Variants in SNX29 observed in about 807,000 individuals in gnomAD.
The protein encoded by SNX29 is sorting nexin 29.
SNX29 carries 78 observed loss-of-function variants against 102.1 expected under a neutral mutation model. The observed-to-expected ratio is 0.76, with a 90% CI of 0.64 to 0.92. The LOEUF (loss-of-function observed/expected upper bound fraction) is 0.92. Among genes scored for constraint, SNX29 ranks in the 40% least tolerant of loss-of-function variants. The pLI is 0.00. For missense variants in SNX29, 1,280 were observed against 1,061.7 expected (o/e 1.21, Z -2.86); for synonymous variants, 580 against 414.5 (o/e 1.40, Z -4.85).
chr16:12,473,560 A>G (rs1382551275), intron 18 of SNX29, among the ~76,000 whole-genome samples: 1 of 152,036 alleles, frequency 6.6e-6, no homozygotes, highest in Non-Finnish European at 1.5e-5. Context: ...AACCAGAGCA[A>G]CTCCATCTTG....
chr16:12,105,809 A>C (rs2053211870), intron 11 of SNX29, among the ~76,000 whole-genome samples: 1 of 152,186 alleles, frequency 6.6e-6, no homozygotes. Context: ...TGGAGAGATT[A>C]GCTTGGAAAG....
intron 1 of SNX29, among the ~76,000 whole-genome samples, chr16:11,980,405 G>C (rs2055388512): frequency 6.6e-6 from 1 of 152,102 alleles, no homozygotes; most frequent in African/African-American, 2.4e-5. Flanking sequence ...GTTTATTCAT[G>C]CATCAAAAAT....
At chr16:12,221,653 C>T (rs190523240) in intron 14 of SNX29, among the ~76,000 whole-genome samples, 9 of 152,272 alleles carry the variant, frequency 5.9e-5, no homozygotes, top group Admixed American at 3.9e-4. Context: ...ATGGGCTATT[C>T]ATGGCTTATA....
At chr16:12,441,065 G>A (rs543510336) in intron 18 of SNX29, among the ~76,000 whole-genome samples, 90 of 149,014 alleles carry the variant, frequency 6.0e-4, no homozygotes, top group South Asian at 3.6e-3. Flanking sequence ...CATCTGTGTT[G>A]TAGCATGCAT....
At chr16:12,055,390 C>T (rs1418732457) in intron 8 of SNX29, among the ~76,000 whole-genome samples, 5 of 152,046 alleles carry the variant, frequency 3.3e-5, no homozygotes, top group African/African-American at 9.6e-5. Context: ...CCTACCACAC[C>T]CCGCTAACTT....
chr16:12,234,774 G>A (rs181747586), intron 14 of SNX29, among the ~76,000 whole-genome samples: 6 of 152,248 alleles, frequency 3.9e-5, no homozygotes, highest in African/African-American at 1.4e-4. Flanking sequence ...TGCATTGTGT[G>A]TTTCCCCACC....
At chr16:11,983,288 G>A (rs933245908) in intron 1 of SNX29, among the ~76,000 whole-genome samples, 1 of 145,230 alleles carries the variant, frequency 6.9e-6, no homozygotes, top group Admixed American at 7.1e-5. Flanking sequence ...CGTTACCCAG[G>A]TTTATCTGGT....
rs557194114 is a variant in SNX29 at position 12,552,597 on chromosome 16, C to T, written c.2319-15909C>T. Reference sequence around the variant, plus strand: ...GCTGCCCTCATGGAGTTTATATTCTCATGGGGATGACTAAAAAAGCAAAAA... The same window carrying T: ...GCTGCCCTCATGGAGTTTATATTCTTATGGGGATGACTAAAAAAGCAAAAA... On this transcript the variant is annotated intron_variant, in intron 20 of 20. Transcript: ENST00000566228. Among the ~76,000 whole-genome samples the T allele has an allele frequency of 3.3e-5, 5 of 152,246 alleles. No individual in the cohort carries two copies. The South Asian group carries it at 1.0e-3, about 32-fold the overall frequency.
At position 12,462,592 on chromosome 16, in the gene SNX29, A is replaced by T. The variant is rs576619401; in HGVS notation, c.2038-15127A>T. On this transcript the variant is annotated intron_variant, in intron 18 of 20. Coordinates refer to ENST00000566228, the MANE Select transcript of SNX29 (RefSeq NM_032167.5). ...CAGTCTTATTTCTGGGGATTTCATT[A>T]TACACACACACACACACACGTGACT... Among the ~76,000 whole-genome samples the T allele has an allele frequency of 3.7e-5, 5 of 133,372 alleles. No homozygotes were observed. The South Asian group carries it at 1.3e-3, about 33-fold the overall frequency. 87.5% of individuals were successfully genotyped at this position (133,372 alleles called of 152,430 possible).
At chr16:12,107,550 T>G (rs1165467083) in intron 11 of SNX29, among the ~76,000 whole-genome samples, 1 of 151,842 alleles carries the variant, frequency 6.6e-6, no homozygotes, top group East Asian at 1.9e-4. Context: ...GGCAGGAGAA[T>G]CTCTTGAACC....
chr16:12,171,490 A>AG (rs2076148997), intron 13 of SNX29, among the ~76,000 whole-genome samples: 1 of 152,196 alleles, frequency 6.6e-6, no homozygotes, highest in South Asian at 2.1e-4. Flanking sequence ...GGAGGGCTCT[A>AG]GGGAGGGCAG....
At chr16:12,262,615 C>T (rs988655184) in intron 14 of SNX29, among the ~76,000 whole-genome samples, 4 of 152,306 alleles carry the variant, frequency 2.6e-5, no homozygotes, top group South Asian at 4.1e-4. Context: ...GGTAGCAACA[C>T]GGCAAGCTGT....
chr16:12,152,965 C>T (rs764677511), intron 13 of SNX29, among the ~76,000 whole-genome samples: 3 of 152,192 alleles, frequency 2.0e-5, no homozygotes, highest in Admixed American at 6.5e-5. Flanking sequence ...TCTGCTAGAA[C>T]GTCCCCTGCC....
Position 12,571,503 on chromosome 16 carries a change from C to G in SNX29, c.*2874C>G, listed in dbSNP as rs932651509. 5.9e-6 allele frequency: 3 copies of G among 512,150 alleles called. No homozygotes were observed. Among genetic ancestry groups the G allele is most frequent in the Non-Finnish European group, 5.3e-6 (2 of 374,076 alleles). The allele number at this position is 512,150 out of a possible 1,614,324, so 31.7% of individuals were successfully genotyped here. On this transcript the variant is annotated 3_prime_UTR_variant, in exon 21 of 21. Transcript: ENST00000566228. ...TCAGAGAGGAACGAGGGTGGCCCAC[C>G]TCTCAAGGGCCTTGGATTCCTGGGA...
chr16:12,108,193 C>T (rs1391010512), intron 11 of SNX29, among the ~76,000 whole-genome samples: 1 of 152,170 alleles, frequency 6.6e-6, no homozygotes, highest in Non-Finnish European at 1.5e-5. Flanking sequence ...AGGAAGTTGA[C>T]TTTTACTAGC....
At chr16:12,420,223 AG>A (rs2084816519) in intron 18 of SNX29, among the ~76,000 whole-genome samples, 1 of 152,266 alleles carries the variant, frequency 6.6e-6, no homozygotes, top group Non-Finnish European at 1.5e-5. Flanking sequence ...CTTCTTGCGA[AG>A]TTTCACATTA....
chr16:12,145,502 T>C (rs955657299), intron 13 of SNX29, among the ~76,000 whole-genome samples: 1 of 152,116 alleles, frequency 6.6e-6, no homozygotes, highest in Non-Finnish European at 1.5e-5. Context: ...AGGGTATTTT[T>C]CCCCCCTGCA....
chr16:12,320,667 C>G (rs917983121), intron 15 of SNX29, among the ~76,000 whole-genome samples: 3 of 152,138 alleles, frequency 2.0e-5, no homozygotes, highest in African/African-American at 4.8e-5. Context: ...GCTGGGGAAA[C>G]TAAGATCACT....
At chr16:12,034,426 T>G (rs1596650009) in intron 4 of SNX29, among the ~76,000 whole-genome samples, 1 of 152,138 alleles carries the variant, frequency 6.6e-6, no homozygotes, top group Non-Finnish European at 1.5e-5. Context: ...AATGCAGAGC[T>G]CCATTCAAGG....
Sources: gnomAD v4.1 joint callset for allele counts (sites outside exome capture counted in the v4.1 genomes callset) on GRCh38, gnomAD v4.1.1 for gene constraint, MANE v1.5 for transcripts, NCBI Gene and HGNC (gene_info 2026-07-23, HGNC 2026-07-21) for gene names.